Variants in HEMK2 observed in about 807,000 individuals in gnomAD.
HEMK2 encodes the protein methyltransferase HEMK2.
At chr21:28,675,662 C>T in the HEMK2 span, among the ~76,000 whole-genome samples, 7 of 152,302 alleles carry the variant, frequency 4.6e-5, no homozygotes, top group East Asian at 1.9e-4. Flanking sequence ...TTTTCAGGAA[C>T]GCATATTCTG....
At chr21:28,635,015 G>A in the HEMK2 span, among the ~76,000 whole-genome samples, 2 of 151,952 alleles carry the variant, frequency 1.3e-5, no homozygotes, top group Admixed American at 6.5e-5. Flanking sequence ...AGTTTATCAC[G>A]CAGGTAAATG....
chr21:28,847,341 C>T, the HEMK2 span, among the ~76,000 whole-genome samples: 2 of 152,078 alleles, frequency 1.3e-5, no homozygotes, highest in South Asian at 2.1e-4. Context: ...GGCATGTCAT[C>T]GTGATTTTGA....
chr21:28,822,815 T>C, the HEMK2 span, among the ~76,000 whole-genome samples: 1 of 152,150 alleles, frequency 6.6e-6, no homozygotes, highest in South Asian at 2.1e-4. Flanking sequence ...CAGATGGACC[T>C]TCTGAAATGT....
the HEMK2 span, among the ~76,000 whole-genome samples, chr21:28,839,000 T>TACAC: frequency 5.2e-5 from 3 of 58,016 alleles, no homozygotes; most frequent in African/African-American, 2.0e-4. Flanking sequence ...TATATATATA[T>TACAC]ACATATATAT....
the HEMK2 span, among the ~76,000 whole-genome samples, chr21:28,708,095 C>T: frequency 2.6e-5 from 4 of 152,086 alleles, no homozygotes; most frequent in African/African-American, 9.7e-5. Flanking sequence ...CAAAAGTTTT[C>T]AGGACCCATA....
the HEMK2 span, among the ~76,000 whole-genome samples, chr21:28,579,269 C>A: frequency 2.0e-5 from 3 of 152,116 alleles, no homozygotes; most frequent in African/African-American, 7.2e-5. Flanking sequence ...AATTTTGAAT[C>A]ATACAGTAGC....
chr21:28,734,553 A>G, the HEMK2 span, among the ~76,000 whole-genome samples: 1 of 152,218 alleles, frequency 6.6e-6, no homozygotes, highest in Non-Finnish European at 1.5e-5. Flanking sequence ...AAACAATTAT[A>G]AATGAATTGT....
the HEMK2 span, among the ~76,000 whole-genome samples, chr21:28,682,403 C>A: frequency 6.6e-6 from 1 of 150,480 alleles, no homozygotes; most frequent in Non-Finnish European, 1.5e-5. Context: ...CAGGAAACAA[C>A]AGGTGCTGGA....
the HEMK2 span, among the ~76,000 whole-genome samples, chr21:28,721,393 G>A: frequency 6.6e-6 from 1 of 152,150 alleles, no homozygotes; most frequent in East Asian, 1.9e-4. Context: ...GGGATGACAG[G>A]AATGAGCCAC....
At chr21:28,760,638 C>T in the HEMK2 span, among the ~76,000 whole-genome samples, 1 of 152,118 alleles carries the variant, frequency 6.6e-6, no homozygotes, top group Non-Finnish European at 1.5e-5. Context: ...TAATCTTGAA[C>T]ACTTTCCGTA....
the HEMK2 span, among the ~76,000 whole-genome samples, chr21:28,731,259 C>G: frequency 6.6e-6 from 1 of 152,126 alleles, no homozygotes; most frequent in Non-Finnish European, 1.5e-5. Flanking sequence ...ATATAAAGAA[C>G]TTGAAGCTTA....
the HEMK2 span, among the ~76,000 whole-genome samples, chr21:28,881,080 T>C: frequency 3.3e-5 from 5 of 152,296 alleles, no homozygotes; most frequent in African/African-American, 4.8e-5. Flanking sequence ...GTATTTGACA[T>C]ATATAAATTA....
the HEMK2 span, among the ~76,000 whole-genome samples, chr21:28,814,805 T>C: frequency 1.1e-4 from 4 of 37,988 alleles, no homozygotes; most frequent in African/African-American, 2.1e-3. Flanking sequence ...AGTTCAACCA[T>C]GTGGAAGTCG....
the HEMK2 span, among the ~76,000 whole-genome samples, chr21:28,644,766 G>A: frequency 1.3e-5 from 2 of 151,992 alleles, no homozygotes; most frequent in Admixed American, 6.6e-5. Flanking sequence ...TAATAAATTG[G>A]CTAATTTGTT....
At chr21:28,741,046 A>C in the HEMK2 span, among the ~76,000 whole-genome samples, 1,659 of 152,318 alleles carry the variant, frequency 0.011, 23 homozygotes, top group African/African-American at 0.037. Flanking sequence ...CACATGTGTT[A>C]GCTCCAAGAT....
chr21:28,628,799 G>A, the HEMK2 span, among the ~76,000 whole-genome samples: 6 of 152,324 alleles, frequency 3.9e-5, no homozygotes, highest in East Asian at 1.9e-4. Context: ...ACAAGTGAGC[G>A]TCACGTGCTG....
At chr21:28,788,512 T>C in the HEMK2 span, among the ~76,000 whole-genome samples, 2 of 151,846 alleles carry the variant, frequency 1.3e-5, no homozygotes, top group African/African-American at 4.8e-5. Context: ...AAACGGACTT[T>C]GAGGATTTGA....
chr21:28,649,347 TAAGA>T, the HEMK2 span, among the ~76,000 whole-genome samples: 1 of 152,144 alleles, frequency 6.6e-6, no homozygotes, highest in Admixed American at 6.5e-5. Context: ...CTGACCCGAT[TAAGA>T]AATAAGTATA....
the HEMK2 span, among the ~76,000 whole-genome samples, chr21:28,709,704 G>A: frequency 6.6e-6 from 1 of 152,044 alleles, no homozygotes; most frequent in African/African-American, 2.4e-5. Context: ...GACTGACCCT[G>A]TAAGGCTTTG....
Sources: allele counts gnomAD v4.1 joint callset (sites outside exome capture counted in the v4.1 genomes callset), GRCh38; gene constraint gnomAD v4.1.1; transcripts MANE v1.5; gene names NCBI Gene and HGNC (gene_info 2026-07-23, HGNC 2026-07-21).